The following ZMAT4 variants were observed in gnomAD, a reference collection of about 807,000 sequenced individuals.
The protein encoded by ZMAT4 is zinc finger matrin-type protein 4.
Under a neutral mutation model 28.7 loss-of-function variants are expected in ZMAT4, and 17 were observed. The ratio of observed to expected loss-of-function variants is 0.59; its 90% CI spans 0.41 to 0.89. ZMAT4 has a LOEUF of 0.89. Among genes scored for constraint, ZMAT4 ranks in the 40% least tolerant of loss-of-function variants. The probability of loss-of-function intolerance (pLI) is 0.00; values close to 1 mark genes in which losing one functional copy is unlikely to be tolerated. For missense variants in ZMAT4, 240 were observed against 283.8 expected (o/e 0.85, Z 1.11); for synonymous variants, 117 against 109.2 (o/e 1.07, Z -0.44).
In ZMAT4 at chr8:40,532,066, C is replaced by T; in HGVS notation, c.*157G>A. 1.7e-6 allele frequency: 1 copy of T among 580,800 alleles called. No homozygotes were observed. Among genetic ancestry groups the T allele is most frequent in the Non-Finnish European group, 2.6e-6 (1 of 379,214 alleles). The allele number at this position is 580,800 out of a possible 1,614,324, so 36.0% of individuals were successfully genotyped here. ...GGAAAAAGAAAAAAGAAACCTCATT[C>T]ATTTCCAAAAATCAAGATCAGTCGT... is the stretch of plus-strand genomic sequence containing the variant. On this transcript the variant is annotated 3_prime_UTR_variant, in exon 7 of 7. Coordinates refer to ENST00000297737, the MANE Select transcript of ZMAT4 (RefSeq NM_024645.3).
intron 5 of ZMAT4, among the ~76,000 whole-genome samples, chr8:40,607,337 T>C (rs540395124): frequency 2.6e-4 from 40 of 152,024 alleles, no homozygotes; most frequent in Non-Finnish European, 5.0e-4. Flanking sequence ...TTCACCGTGT[T>C]AGCCAGGATG....
chr8:40,845,787 A>G lies in ZMAT4; in HGVS notation c.-4-20107T>C, dbSNP rs1394554770. On this transcript the variant is annotated intron_variant, in intron 1 of 6. Coordinates refer to ENST00000297737, the MANE Select transcript of ZMAT4 (RefSeq NM_024645.3). ...ATACACTTAGTAGTTAAAAAAAAAA[A>G]AAAAAAAAAAGAGAGAGAGACTAAG... Among the ~76,000 whole-genome samples, 29 of 128,956 alleles carry G rather than the reference A, an allele frequency of 2.2e-4. 1 individual carries two copies. The Admixed American group carries it at 2.4e-3, about 11-fold the overall frequency. The allele number at this position is 128,956 out of a possible 152,430, so 84.6% of individuals were successfully genotyped here.
chr8:40,789,704 C>CAAAAATT (rs1194780907), intron 2 of ZMAT4, among the ~76,000 whole-genome samples: 1 of 152,046 alleles, frequency 6.6e-6, no homozygotes, highest in Non-Finnish European at 1.5e-5. Context: ...TGTGTACCCA[C>CAAAAATT]AAAAATTAAA....
At chr8:40,770,488 T>TCCTC (rs1563472500) in intron 2 of ZMAT4, among the ~76,000 whole-genome samples, 2 of 150,568 alleles carry the variant, frequency 1.3e-5, no homozygotes, top group Non-Finnish European at 3.0e-5. Context: ...CCTCCTTCCT[T>TCCTC]CCTCCCTCCC....
At chr8:40,865,805 G>A (rs1173336850) in intron 1 of ZMAT4, among the ~76,000 whole-genome samples, 1 of 152,104 alleles carries the variant, frequency 6.6e-6, no homozygotes, top group African/African-American at 2.4e-5. Flanking sequence ...GAGAAGTTTG[G>A]GCCCTAAGGG....
chr8:40,679,042 A>G (rs1028121810), intron 4 of ZMAT4, among the ~76,000 whole-genome samples: 3 of 152,214 alleles, frequency 2.0e-5, no homozygotes, highest in African/African-American at 7.2e-5. Context: ...TCATGGATCT[A>G]TGGTTGATTC....
chr8:40,878,262 C>A (rs555655892), intron 1 of ZMAT4, among the ~76,000 whole-genome samples: 1 of 152,156 alleles, frequency 6.6e-6, no homozygotes, highest in Non-Finnish European at 1.5e-5. Flanking sequence ...CAAAACCTGT[C>A]CCCCCAGTCC....
chr8:40,557,622 A>C (rs1259446625), intron 6 of ZMAT4, among the ~76,000 whole-genome samples: 1 of 152,224 alleles, frequency 6.6e-6, no homozygotes, highest in East Asian at 1.9e-4. Flanking sequence ...CCCCTCTTTT[A>C]TATTCCCATA....
chr8:40,634,077 G>T (rs1806700874), intron 5 of ZMAT4, among the ~76,000 whole-genome samples: 2 of 152,146 alleles, frequency 1.3e-5, no homozygotes, highest in Non-Finnish European at 2.9e-5. Flanking sequence ...GCACATTTTT[G>T]AAGAAGTGGT....
intron 1 of ZMAT4, among the ~76,000 whole-genome samples, chr8:40,892,335 T>G (rs1818724147): frequency 6.6e-6 from 1 of 152,132 alleles, no homozygotes; most frequent in Non-Finnish European, 1.5e-5. Flanking sequence ...AGCTCTGGTT[T>G]CTAGAACACA....
chr8:40,643,481 T>C (rs1041167264), intron 5 of ZMAT4, among the ~76,000 whole-genome samples: 5 of 152,098 alleles, frequency 3.3e-5, no homozygotes, highest in Non-Finnish European at 7.4e-5. Context: ...AGTCACTAAA[T>C]AAATACTTCT....
chr8:40,860,374 C>A (rs141436735), intron 1 of ZMAT4, among the ~76,000 whole-genome samples: 1 of 152,268 alleles, frequency 6.6e-6, no homozygotes, highest in East Asian at 1.9e-4. Context: ...GATTTACAGG[C>A]ATAATTAACA....
At chr8:40,551,629 T>C (rs1381749300) in intron 6 of ZMAT4, among the ~76,000 whole-genome samples, 1 of 152,080 alleles carries the variant, frequency 6.6e-6, no homozygotes, top group African/African-American at 2.4e-5. Context: ...AAAAAGAAAA[T>C]CACCACTCTT....
At chr8:40,594,293 G>C (rs1407434567) in intron 5 of ZMAT4, among the ~76,000 whole-genome samples, 1 of 152,136 alleles carries the variant, frequency 6.6e-6, no homozygotes, top group Non-Finnish European at 1.5e-5. Flanking sequence ...AGGTAACAGA[G>C]AATAACAGAA....
chr8:40,633,991 T>C (rs2118735788), intron 5 of ZMAT4, among the ~76,000 whole-genome samples: 1 of 152,286 alleles, frequency 6.6e-6, no homozygotes, highest in Non-Finnish European at 1.5e-5. Context: ...TCAGCAGTGA[T>C]GAAGGACACA....
At chr8:40,647,892 C>G (rs965292343) in intron 5 of ZMAT4, among the ~76,000 whole-genome samples, 2 of 152,162 alleles carry the variant, frequency 1.3e-5, no homozygotes, top group Non-Finnish European at 1.5e-5. Context: ...AACTAACAAA[C>G]AGAAAGGACA....
intron 1 of ZMAT4, among the ~76,000 whole-genome samples, chr8:40,876,866 C>G (rs989523672): frequency 1.3e-5 from 2 of 152,176 alleles, no homozygotes; most frequent in African/African-American, 4.8e-5. Context: ...TATTACGAAT[C>G]TGGCAGCCTG....
chr8:40,547,805 C>T (rs1414346984), intron 6 of ZMAT4, among the ~76,000 whole-genome samples: 1 of 151,976 alleles, frequency 6.6e-6, no homozygotes, highest in Non-Finnish European at 1.5e-5. Flanking sequence ...AAAACCCACA[C>T]TTTATATTTA....
chr8:40,560,715 A>C (rs1364005612), intron 6 of ZMAT4, among the ~76,000 whole-genome samples: 2 of 152,172 alleles, frequency 1.3e-5, no homozygotes, highest in Non-Finnish European at 2.9e-5. Context: ...ACTATTTCAC[A>C]AACTCAATCC....
Sources: allele counts gnomAD v4.1 joint callset (sites outside exome capture counted in the v4.1 genomes callset), GRCh38; gene constraint gnomAD v4.1.1; transcripts MANE v1.5; gene names NCBI Gene and HGNC (gene_info 2026-07-23, HGNC 2026-07-21).